The following IP6K1 variants were observed in gnomAD, a reference collection of about 807,000 sequenced individuals.
The protein encoded by IP6K1 is inositol hexakisphosphate kinase 1.
Under a neutral mutation model 38.3 loss-of-function variants are expected in IP6K1, and 13 were observed. The ratio of observed to expected loss-of-function variants is 0.34; its 90% CI spans 0.22 to 0.54. IP6K1 has a LOEUF of 0.54. Ranked by LOEUF, IP6K1 falls within the 20% of genes least tolerant of loss-of-function variation. IP6K1 has a pLI of 0.92. For synonymous variants in IP6K1, 212 were observed against 229.9 expected (o/e 0.92, Z 0.70); for missense variants, 397 against 599.8 (o/e 0.66, Z 3.53).
intron 1 of IP6K1, chr3:49,775,613 G>A: frequency 2.2e-6 from 2 of 924,994 alleles, no homozygotes; most frequent in Non-Finnish European, 3.1e-6. Flanking sequence ...AAGAAGAGGT[G>A]ATTGGTGGGT....
At chr3:49,771,723 C>A (rs1469154734) in intron 1 of IP6K1, among the ~76,000 whole-genome samples, 1 of 152,096 alleles carries the variant, frequency 6.6e-6, no homozygotes, top group African/African-American at 2.4e-5. Context: ...TGTGTATGTC[C>A]ACACAAAAAA....
At chr3:49,741,899 T>C (rs550258100) in intron 2 of IP6K1, among the ~76,000 whole-genome samples, 1 of 152,076 alleles carries the variant, frequency 6.6e-6, no homozygotes, top group South Asian at 2.1e-4. Flanking sequence ...CAGGGAAGGG[T>C]TGGCAGTCTC....
At chr3:49,761,108 G>A (rs2080864438) in intron 1 of IP6K1, among the ~76,000 whole-genome samples, 1 of 151,588 alleles carries the variant, frequency 6.6e-6, no homozygotes, top group Admixed American at 6.6e-5. Flanking sequence ...GAGGTCAAGA[G>A]ATCGAGACCA....
intron 1 of IP6K1, among the ~76,000 whole-genome samples, chr3:49,769,400 G>C (rs1029559696): frequency 2.5e-4 from 38 of 152,160 alleles, no homozygotes; most frequent in Admixed American, 2.5e-3. Context: ...ACTGGCATAT[G>C]GATAAACAAA....
chr3:49,768,984 T>C (rs527807381), intron 1 of IP6K1, among the ~76,000 whole-genome samples: 2 of 152,292 alleles, frequency 1.3e-5, no homozygotes, highest in East Asian at 3.9e-4. Context: ...CATTTTCTCA[T>C]GTATATTTAC....
chr3:49,786,073 T>G (rs1575334836), intron 1 of IP6K1: 1 of 152,278 alleles, frequency 6.6e-6, no homozygotes, highest in African/African-American at 2.4e-5. Context: ...GCGCTCCGGA[T>G]CAGCGGAGTC....
chr3:49,737,322 T>C (rs1391690889), intron 3 of IP6K1, among the ~76,000 whole-genome samples: 1 of 152,212 alleles, frequency 6.6e-6, no homozygotes, highest in Non-Finnish European at 1.5e-5. Flanking sequence ...TCAACACTTT[T>C]ATTGTCTGTC....
rs546850868 is a variant in IP6K1 at position 49,729,122 on chromosome 3, C to G, written c.617-844G>C. Among the ~76,000 whole-genome samples the G allele has an allele frequency of 5.9e-5, 9 of 152,206 alleles. No individual in the cohort carries two copies. In the East Asian group the frequency reaches 9.7e-4, roughly 16 times the overall value. Reference sequence around the variant, plus strand: ...GACTCCTCATTTTCCCTCCTCCCAGCCCCTGGGAACCTCTAGTCTACTTTC... The same window carrying G: ...GACTCCTCATTTTCCCTCCTCCCAGGCCCTGGGAACCTCTAGTCTACTTTC... On this transcript the variant is annotated intron_variant, in intron 4 of 5. Coordinates refer to ENST00000321599, the MANE Select transcript of IP6K1 (RefSeq NM_153273.4).
intron 4 of IP6K1, among the ~76,000 whole-genome samples, chr3:49,731,132 T>C (rs1411590379): frequency 3.3e-5 from 5 of 151,756 alleles, no homozygotes; most frequent in African/African-American, 1.2e-4. Flanking sequence ...CCCTTAATAG[T>C]TCTATAACCT....
rs35547506 is a variant in IP6K1, at chr3:49,784,646, G to GAAAA, written c.-129+1704_-129+1707dup. Among the ~76,000 whole-genome samples the GAAAA allele has an allele frequency of 3.0e-5, 4 of 134,510 alleles. 1 individual carries two copies. The highest frequency in any genetic ancestry group is 1.6e-5 in the Non-Finnish European group (1 of 62,986). The allele number at this position is 134,510 out of a possible 152,430, so 88.2% of individuals were successfully genotyped here. ...GGTGAGAGAACGAGACTTCGTCTCA[G>GAAAA]AAAAAAAAAAAAAAAGTAGGCTTGG... On this transcript the variant is annotated intron_variant, in intron 1 of 5. Coordinates refer to ENST00000321599, the MANE Select transcript of IP6K1 (RefSeq NM_153273.4).
Position 49,738,242 on chromosome 3 carries a change from T to C in IP6K1, c.404A>G (p.Lys135Arg), listed in dbSNP as rs2080632485. The change falls in exon 3 of 6, where the codon AAA (lysine) becomes AGA (arginine). Residue 135 changes from lysine to arginine, a missense_variant. By Grantham distance (26) the Lys-to-Arg change is conservative. Around this residue, in one of 3 missense-constraint regions of IP6K1, gnomAD observed 171 missense variants for 237.0 expected, o/e 0.72. Transcript: ENST00000321599. ...SGSGSDHKEEKASLSLETSES... is the reference protein window; with the variant it reads ...SGSGSDHKEERASLSLETSES... ...AGAGGTCTCAAGGGACAGGCTGGCT[T>C]TCTCCTCCTTGTGGTCACTGCCACT... 1.9e-6 allele frequency: 3 copies of C among 1,614,192 alleles called. No homozygotes were observed. Among genetic ancestry groups the C allele is most frequent in the Non-Finnish European group, 2.5e-6 (3 of 1,180,024 alleles).
intron 1 of IP6K1, among the ~76,000 whole-genome samples, chr3:49,749,788 C>G (rs192984941): frequency 6.6e-6 from 1 of 151,830 alleles, no homozygotes; most frequent in Admixed American, 6.6e-5. Context: ...TTATTCTGTA[C>G]TCCCAGTCCC....
At chr3:49,764,550 C>A (rs1320299102) in intron 1 of IP6K1, among the ~76,000 whole-genome samples, 1 of 151,964 alleles carries the variant, frequency 6.6e-6, no homozygotes, top group Non-Finnish European at 1.5e-5. Flanking sequence ...ACCCCAACCC[C>A]CACACTGTAC....
At position 49,727,261 on chromosome 3, in the gene IP6K1, C is replaced by G; in HGVS notation, c.1187G>C (p.Arg396Pro). 1 of 1,614,150 alleles carries G rather than the reference C, an allele frequency of 6.2e-7. No individual in the cohort carries two copies. The highest frequency in any genetic ancestry group is 8.5e-7 in the Non-Finnish European group (1 of 1,180,032). ...GPSSQPKVDV[R>P]MIDFAHSTFK... is the part of the protein sequence containing the mutation. Reference sequence around the variant, plus strand: ...TGTGCTGTGTGCAAAGTCAATCATGCGGACATCCACCTTGGGCTGAGAGGA... The same window carrying G: ...TGTGCTGTGTGCAAAGTCAATCATGGGGACATCCACCTTGGGCTGAGAGGA... Residue 396 changes from arginine to proline, a missense_variant, in exon 6 of 6, where the codon CGC (arginine) becomes CCC (proline). Coordinates refer to ENST00000321599, the MANE Select transcript of IP6K1 (RefSeq NM_153273.4). The surrounding 1 kb of genome is among the most constrained non-coding windows in gnomAD (Gnocchi z 5.9).
At chr3:49,755,983 G>GT (rs2080819132) in intron 1 of IP6K1, among the ~76,000 whole-genome samples, 1 of 152,174 alleles carries the variant, frequency 6.6e-6, no homozygotes, top group African/African-American at 2.4e-5. Context: ...TGTTCTTCAT[G>GT]TAAGTAGGGC....
At chr3:49,762,880 T>TCCTG (rs1387742764) in intron 1 of IP6K1, among the ~76,000 whole-genome samples, 3 of 151,784 alleles carry the variant, frequency 2.0e-5, no homozygotes, top group African/African-American at 7.3e-5. Context: ...CAAGTGATTC[T>TCCTG]CCTGCCTCAG....
In IP6K1 at chr3:49,773,994, C is replaced by A. The variant is rs1334737533; in HGVS notation, c.-129+12360G>T. ...ACTCTCTCTAAAACACACACACACA[C>A]ACACACACACACACACACACACACA... On this transcript the variant is annotated intron_variant, in intron 1 of 5. Transcript: ENST00000321599. Among the ~76,000 whole-genome samples, 5 of 145,282 alleles carry A rather than the reference C, an allele frequency of 3.4e-5. No individual in the cohort carries two copies. The East Asian group carries it at 9.7e-4, about 28-fold the overall frequency.
chr3:49,751,655 A>T (rs1007602067), intron 1 of IP6K1, among the ~76,000 whole-genome samples: 1 of 152,182 alleles, frequency 6.6e-6, no homozygotes, highest in African/African-American at 2.4e-5. Flanking sequence ...CTGCTCCCCA[A>T]GAGGTTATGG....
chr3:49,753,841 A>G (rs1193079001), intron 1 of IP6K1, among the ~76,000 whole-genome samples: 1 of 152,196 alleles, frequency 6.6e-6, no homozygotes, highest in African/African-American at 2.4e-5. Flanking sequence ...TCAGCAAATA[A>G]AAAGAACATA....
Sources: gnomAD v4.1 joint callset for allele counts (sites outside exome capture counted in the v4.1 genomes callset) on GRCh38, gnomAD v4.1.1 for gene constraint, gnomAD v4.1.1 regional missense constraint, Gnocchi (gnomAD v3.1) non-coding constraint, MANE v1.5 for transcripts, NCBI Gene and HGNC (gene_info 2026-07-23, HGNC 2026-07-21) for gene names.